Variants in FHIT observed in about 807,000 individuals in gnomAD.
FHIT encodes the protein fragile histidine triad diadenosine triphosphatase.
A neutral mutation model predicts 17.9 loss-of-function variants in FHIT; 19 were observed. The ratio of observed to expected loss-of-function variants is 1.06; its 90% CI spans 0.74 to 1.56. The LOEUF (loss-of-function observed/expected upper bound fraction) is 1.56. Among genes scored for constraint, FHIT ranks in the 40% most tolerant of loss-of-function variants. The pLI is 0.00. For synonymous variants in FHIT, 81 were observed against 69.7 expected (o/e 1.16, Z -0.81); for missense variants, 248 against 189.2 (o/e 1.31, Z -1.82).
intron 5 of FHIT, among the ~76,000 whole-genome samples, chr3:60,027,148 C>CAAAAAAAAAA (rs57414828): frequency 3.9e-4 from 49 of 125,842 alleles, no homozygotes; most frequent in African/African-American, 1.3e-3. Flanking sequence ...CACACACACA[C>CAAAAAAAAAA]AAAATTAGTA....
intron 5 of FHIT, among the ~76,000 whole-genome samples, chr3:60,144,910 G>A (rs1198607264): frequency 6.6e-6 from 1 of 152,120 alleles, no homozygotes; most frequent in East Asian, 1.9e-4. Context: ...ACTGGTCTGT[G>A]AAAATATTAT....
At chr3:60,896,179 T>C (rs1490332139) in intron 3 of FHIT, among the ~76,000 whole-genome samples, 2 of 152,062 alleles carry the variant, frequency 1.3e-5, no homozygotes, top group Non-Finnish European at 2.9e-5. Flanking sequence ...CCCGCTCCCC[T>C]GCCACCGATG....
chr3:59,873,088 A>G (rs72872934), intron 8 of FHIT, among the ~76,000 whole-genome samples: 5,191 of 151,936 alleles, frequency 0.034, 286 homozygotes, highest in African/African-American at 0.12. Flanking sequence ...CTTCCTTTCC[A>G]CCCACTTTGA....
At chr3:60,004,191 T>G (rs556509134) in intron 7 of FHIT, among the ~76,000 whole-genome samples, 1 of 152,112 alleles carries the variant, frequency 6.6e-6, no homozygotes, top group African/African-American at 2.4e-5. Flanking sequence ...TCACAGGAGG[T>G]TTGACTTCAC....
chr3:61,068,826 A>G (rs954502939), intron 2 of FHIT, among the ~76,000 whole-genome samples: 2 of 152,138 alleles, frequency 1.3e-5, no homozygotes, highest in Non-Finnish European at 2.9e-5. Context: ...GCTTTTAACA[A>G]ACTGGTTGAC....
chr3:60,559,042 T>C (rs1380835124), intron 4 of FHIT, among the ~76,000 whole-genome samples: 2 of 152,324 alleles, frequency 1.3e-5, no homozygotes, highest in East Asian at 3.9e-4. Context: ...ACCTTGTTAA[T>C]AAATATCTAA....
chr3:60,260,203 G>T (rs1003006040), intron 5 of FHIT, among the ~76,000 whole-genome samples: 2 of 151,952 alleles, frequency 1.3e-5, no homozygotes, highest in Admixed American at 6.6e-5. Flanking sequence ...TCTAAGGGCC[G>T]TAGAGGGTGT....
intron 5 of FHIT, among the ~76,000 whole-genome samples, chr3:60,264,564 T>C (rs1335498947): frequency 6.6e-6 from 1 of 151,916 alleles, no homozygotes; most frequent in African/African-American, 2.4e-5. Context: ...ACACTAACAA[T>C]AATACATTAA....
At chr3:60,120,155 C>T (rs1252596866) in intron 5 of FHIT, among the ~76,000 whole-genome samples, 2 of 152,214 alleles carry the variant, frequency 1.3e-5, no homozygotes, top group Admixed American at 6.5e-5. Context: ...TCTCAGCATT[C>T]CCACAATATA....
At chr3:61,069,054 A>G (rs1391771198) in intron 2 of FHIT, among the ~76,000 whole-genome samples, 2 of 152,178 alleles carry the variant, frequency 1.3e-5, no homozygotes, top group Non-Finnish European at 2.9e-5. Flanking sequence ...ATCAAAATTA[A>G]TAGAGAATTC....
intron 5 of FHIT, among the ~76,000 whole-genome samples, chr3:60,264,821 A>G (rs960394632): frequency 1.3e-5 from 2 of 151,766 alleles, no homozygotes; most frequent in African/African-American, 4.8e-5. Context: ...TTGTGATGAA[A>G]TGCGACTTTC....
At chr3:60,687,073 A>C (rs2040876605) in intron 4 of FHIT, among the ~76,000 whole-genome samples, 1 of 152,208 alleles carries the variant, frequency 6.6e-6, no homozygotes, top group African/African-American at 2.4e-5. Context: ...GTGGCAGTGA[A>C]AGTAATATTT....
At chr3:60,375,888 G>A (rs1261434980) in intron 5 of FHIT, among the ~76,000 whole-genome samples, 2 of 152,150 alleles carry the variant, frequency 1.3e-5, no homozygotes, top group Non-Finnish European at 2.9e-5. Context: ...TGCCCAATAT[G>A]GTAGTCATGA....
chr3:61,111,637 T>C (rs1302489885), intron 2 of FHIT, among the ~76,000 whole-genome samples: 1 of 152,218 alleles, frequency 6.6e-6, no homozygotes, highest in Non-Finnish European at 1.5e-5. Context: ...CTTTTTAAAT[T>C]CTAAAGTAAT....
chr3:60,735,144 C>T (rs1033689455), intron 4 of FHIT, among the ~76,000 whole-genome samples: 2 of 152,088 alleles, frequency 1.3e-5, no homozygotes, highest in Non-Finnish European at 2.9e-5. Flanking sequence ...TGTAAGAGAC[C>T]AGAAATTACT....
At chr3:60,117,138 A>C (rs1354609769) in intron 5 of FHIT, among the ~76,000 whole-genome samples, 1 of 124,156 alleles carries the variant, frequency 8.1e-6, no homozygotes, top group Non-Finnish European at 1.8e-5. Flanking sequence ...CTAAATTTTA[A>C]TATGCATTGG....
chr3:60,622,254 C>G (rs2039153546), intron 4 of FHIT, among the ~76,000 whole-genome samples: 1 of 152,150 alleles, frequency 6.6e-6, no homozygotes, highest in South Asian at 2.1e-4. Context: ...TCATCTGTGA[C>G]CAACTGGAAC....
intron 5 of FHIT, among the ~76,000 whole-genome samples, chr3:60,271,451 A>G (rs1184002853): frequency 6.6e-6 from 1 of 152,126 alleles, no homozygotes; most frequent in African/African-American, 2.4e-5. Flanking sequence ...AGACAAAGAG[A>G]AAGACAAGAA....
At chr3:60,329,648 A>G (rs2106845611) in intron 5 of FHIT, among the ~76,000 whole-genome samples, 1 of 152,304 alleles carries the variant, frequency 6.6e-6, no homozygotes, top group East Asian at 1.9e-4. Flanking sequence ...GTAAGACTCT[A>G]CCTATTCCAT....
Sources: gnomAD v4.1 joint callset for allele counts (sites outside exome capture counted in the v4.1 genomes callset) on GRCh38, gnomAD v4.1.1 for gene constraint, MANE v1.5 for transcripts, NCBI Gene and HGNC (gene_info 2026-07-23, HGNC 2026-07-21) for gene names.